The following TRIM71 variants were observed in gnomAD, a reference collection of about 807,000 sequenced individuals.
TRIM71 encodes tripartite motif containing 71.
Under a neutral mutation model 61.2 loss-of-function variants are expected in TRIM71, and 9 were observed. The observed-to-expected ratio is 0.15, with a 90% CI of 0.09 to 0.26. The LOEUF (loss-of-function observed/expected upper bound fraction) is 0.26, where lower values mean the gene tolerates loss of function less well. Among genes scored for constraint, TRIM71 ranks in the 10% least tolerant of loss-of-function variants. TRIM71 has a pLI of 1.00. For synonymous variants in TRIM71, 645 were observed against 553.2 expected (o/e 1.17, Z -2.33); for missense variants, 998 against 1,238.7 (o/e 0.81, Z 2.92).
intron 1 of TRIM71, among the ~76,000 whole-genome samples, chr3:32,862,774 A>C (rs1307844177): frequency 6.6e-6 from 1 of 152,246 alleles, no homozygotes; most frequent in Non-Finnish European, 1.5e-5. Context: ...TCATTAATAC[A>C]TCAGAGGTCA....
intron 2 of TRIM71, among the ~76,000 whole-genome samples, chr3:32,880,345 A>G (rs1696895300): frequency 1.3e-5 from 2 of 152,180 alleles, no homozygotes; most frequent in South Asian, 4.2e-4. Context: ...ATTTATTTTT[A>G]AGATCAGTTT....
intron 1 of TRIM71, among the ~76,000 whole-genome samples, chr3:32,868,782 TC>T: frequency 6.6e-6 from 1 of 152,006 alleles, no homozygotes; most frequent in East Asian, 1.9e-4. Flanking sequence ...TTGGAAACAC[TC>T]CCTCCTCATA....
At chr3:32,841,814 T>A (rs2125679279) in intron 1 of TRIM71, among the ~76,000 whole-genome samples, 1 of 152,302 alleles carries the variant, frequency 6.6e-6, no homozygotes, top group East Asian at 1.9e-4. Flanking sequence ...CCTTTTTAAT[T>A]TATTTTAATA....
chr3:32,828,650 G>C (rs557525745), intron 1 of TRIM71, among the ~76,000 whole-genome samples: 1 of 151,570 alleles, frequency 6.6e-6, no homozygotes, highest in Non-Finnish European at 1.5e-5. Context: ...TGCATGCCAC[G>C]ATGCCCGGCT....
chr3:32,856,413 C>G (rs1174962197), intron 1 of TRIM71, among the ~76,000 whole-genome samples: 1 of 152,008 alleles, frequency 6.6e-6, no homozygotes, highest in Non-Finnish European at 1.5e-5. Flanking sequence ...CCAGGAAGTT[C>G]TCTGAGATTA....
chr3:32,888,011 C>T (rs557255134), intron 3 of TRIM71, among the ~76,000 whole-genome samples: 4 of 152,236 alleles, frequency 2.6e-5, no homozygotes, highest in South Asian at 2.1e-4. Flanking sequence ...TAAGTTCATT[C>T]GCTTCACAGG....
intron 1 of TRIM71, among the ~76,000 whole-genome samples, chr3:32,861,985 A>G (rs1221415221): frequency 6.6e-6 from 1 of 152,238 alleles, no homozygotes; most frequent in African/African-American, 2.4e-5. Context: ...AGGATTGGTC[A>G]CTTCCCAATT....
rs1168646669 is a variant in TRIM71 at position 32,891,839 on chromosome 3, GGT to G, written c.*36_*37del. The G allele has an allele frequency of 1.9e-6, 3 of 1,599,130 alleles. No individual in the cohort carries two copies. The highest frequency in any genetic ancestry group is 2.7e-5 in the African/African-American group (2 of 72,736). On this transcript the variant is annotated 3_prime_UTR_variant, in exon 4 of 4. Transcript: ENST00000383763. The surrounding 1 kb of genome is among the most constrained non-coding windows in gnomAD (Gnocchi z 8.2). ...GCATTTCCTAGGTTTCTGTGTTTGG[GGT>G]GTGTGTGCGTGTCTCTCTCTCTCTC...
chr3:32,835,786 A>G (rs1382751939), intron 1 of TRIM71, among the ~76,000 whole-genome samples: 2 of 151,630 alleles, frequency 1.3e-5, no homozygotes, highest in Non-Finnish European at 2.9e-5. Context: ...ATATAAACCT[A>G]TTTTGTTTGG....
At chr3:32,876,107 G>T (rs1318817056) in intron 2 of TRIM71, among the ~76,000 whole-genome samples, 2 of 152,044 alleles carry the variant, frequency 1.3e-5, no homozygotes, top group Non-Finnish European at 2.9e-5. Context: ...CTTCTCCTTT[G>T]TCAGTGTCTT....
In TRIM71 at chr3:32,894,752, CA is replaced by C. The variant is rs1187691076; in HGVS notation, c.*2943del. The C allele has an allele frequency of 3.9e-5, 6 of 152,158 alleles. No individual in the cohort carries two copies. Among genetic ancestry groups the C allele is most frequent in the African/African-American group, 1.4e-4 (6 of 41,434 alleles). The allele number at this position is 152,158 out of a possible 1,614,324, so 9.4% of individuals were successfully genotyped here. A position where few individuals can be genotyped will look rare whatever the true frequency, so the allele number is the denominator to read the frequency against. On this transcript the variant is annotated 3_prime_UTR_variant, in exon 4 of 4. Transcript: ENST00000383763. ...TAAATCAAAGAAAGATGATAAAAGC[CA>C]ACATTTGGCAGTCCCTAGTGTGAAA...
At position 32,894,230 on chromosome 3, in the gene TRIM71, TGAG is replaced by T. The variant is rs1391373776; in HGVS notation, c.*2423_*2425del. 2 of 152,196 alleles carry T rather than the reference TGAG, an allele frequency of 1.3e-5. No individual in the cohort carries two copies. Among genetic ancestry groups the T allele is most frequent in the Admixed American group, 6.5e-5 (1 of 15,284 alleles). 9.4% of individuals were successfully genotyped at this position (152,196 alleles called of 1,614,324 possible). ...TTTAAATGCTTGAAAAAAATTTTAT[TGAG>T]GAGATGGATCTTGATTAAAATCTTT... On this transcript the variant is annotated 3_prime_UTR_variant, in exon 4 of 4. Transcript: ENST00000383763.
chr3:32,884,193 T>G (rs529256279), intron 2 of TRIM71, among the ~76,000 whole-genome samples: 1 of 152,218 alleles, frequency 6.6e-6, no homozygotes, highest in Non-Finnish European at 1.5e-5. Flanking sequence ...CCAAGTGATT[T>G]GCCTGCCTCG....
At chr3:32,851,349 G>A (rs1432626940) in intron 1 of TRIM71, among the ~76,000 whole-genome samples, 1 of 152,204 alleles carries the variant, frequency 6.6e-6, no homozygotes. Context: ...AGAATATGCA[G>A]AATTCACTGA....
intron 1 of TRIM71, among the ~76,000 whole-genome samples, chr3:32,848,427 G>A (rs992257793): frequency 6.6e-6 from 1 of 152,114 alleles, no homozygotes; most frequent in African/African-American, 2.4e-5. Context: ...TTCTTTCCCT[G>A]ATAACCACCC....
At chr3:32,850,997 A>AT (rs916105523) in intron 1 of TRIM71, among the ~76,000 whole-genome samples, 14 of 151,850 alleles carry the variant, frequency 9.2e-5, no homozygotes, top group Non-Finnish European at 1.9e-4. Context: ...TGAAAAACAA[A>AT]TTATTATTTT....
At chr3:32,885,035 C>T (rs1696945263) in intron 2 of TRIM71, among the ~76,000 whole-genome samples, 1 of 152,012 alleles carries the variant, frequency 6.6e-6, no homozygotes, top group Non-Finnish European at 1.5e-5. Flanking sequence ...CCCGGACTGT[C>T]CCAGTTTTAG....
intron 1 of TRIM71, among the ~76,000 whole-genome samples, chr3:32,870,916 A>G (rs7629096): frequency 0.62 from 94,103 of 151,584 alleles, 30,853 homozygotes; most frequent in African/African-American, 0.86. Context: ...AGGCTCAAGG[A>G]ATCCTCCCAC....
At chr3:32,819,872 C>A (rs762311474) in intron 1 of TRIM71, among the ~76,000 whole-genome samples, 2 of 152,250 alleles carry the variant, frequency 1.3e-5, no homozygotes, top group Non-Finnish European at 2.9e-5. Flanking sequence ...GCTGGAACGC[C>A]GGAGTGCAAA....
Sources: gnomAD v4.1 joint callset for allele counts (sites outside exome capture counted in the v4.1 genomes callset) on GRCh38, gnomAD v4.1.1 for gene constraint, Gnocchi (gnomAD v3.1) non-coding constraint, MANE v1.5 for transcripts, NCBI Gene and HGNC (gene_info 2026-07-23, HGNC 2026-07-21) for gene names.